Variants in EFR3A observed in about 807,000 individuals in gnomAD.
EFR3A encodes the protein protein EFR3 homolog A.
A neutral mutation model predicts 104.4 loss-of-function variants in EFR3A; 76 were observed. The ratio of observed to expected loss-of-function variants is 0.73; its 90% CI spans 0.60 to 0.88. The LOEUF is 0.88. EFR3A is among the 40% of genes least tolerant of loss of function. The probability of loss-of-function intolerance (pLI) is 0.00; values close to 1 mark genes in which losing one functional copy is unlikely to be tolerated. For synonymous variants in EFR3A, 330 were observed against 330.0 expected (o/e 1.00, Z 0.00); for missense variants, 985 against 1,012.5 (o/e 0.97, Z 0.37).
rs748324074 is a variant in EFR3A at position 131,918,307 on chromosome 8, A to G, written c.10+13985A>G. Reference sequence around the variant, plus strand: ...GTCTCAACAACAACAACAACAACAAAGAATAGGTTAAAATTTAAAGAAGTC... The same window carrying G: ...GTCTCAACAACAACAACAACAACAAGGAATAGGTTAAAATTTAAAGAAGTC... On this transcript the variant is annotated intron_variant, in intron 1 of 22. Transcript: ENST00000254624. 1.4e-4 allele frequency among the ~76,000 whole-genome samples: 22 copies of G among 152,164 alleles called. 1 individual carries two copies. Among genetic ancestry groups the G allele is most frequent in the Admixed American group, 1.4e-3 (21 of 15,280 alleles).
intron 18 of EFR3A, among the ~76,000 whole-genome samples, chr8:131,993,674 T>C (rs1390033681): frequency 6.6e-6 from 1 of 151,786 alleles, no homozygotes; most frequent in African/African-American, 2.4e-5. Context: ...GGTAGGAGGA[T>C]TGCTTGAAGC....
At chr8:131,994,083 G>A (rs1821353583) in intron 18 of EFR3A, among the ~76,000 whole-genome samples, 1 of 151,846 alleles carries the variant, frequency 6.6e-6, no homozygotes, top group South Asian at 2.1e-4. Context: ...GAACTTAAAA[G>A]TTAAAAAAAA....
At chr8:131,986,608 AC>A (rs1361435050) in intron 17 of EFR3A, among the ~76,000 whole-genome samples, 2 of 151,872 alleles carry the variant, frequency 1.3e-5, no homozygotes, top group African/African-American at 4.8e-5. Context: ...ACATGGTGAA[AC>A]CCCGTCTCTA....
chr8:131,969,689 T>G (rs1038119802), intron 9 of EFR3A, among the ~76,000 whole-genome samples: 2 of 152,168 alleles, frequency 1.3e-5, no homozygotes, highest in Non-Finnish European at 2.9e-5. Context: ...TTCTGTTTTA[T>G]CTTGTAACTT....
intron 11 of EFR3A, among the ~76,000 whole-genome samples, chr8:131,976,592 GTTAAT>G (rs1380940607): frequency 1.3e-5 from 2 of 151,940 alleles, no homozygotes; most frequent in African/African-American, 4.8e-5. Context: ...ATGTTGTTTT[GTTAAT>G]TTAATAAGGA....
chr8:131,992,837 G>A (rs1821263133), intron 18 of EFR3A, among the ~76,000 whole-genome samples: 3 of 152,104 alleles, frequency 2.0e-5, no homozygotes, highest in Admixed American at 2.0e-4. Flanking sequence ...TCTGATGAGA[G>A]AGCCTAGAAT....
intron 4 of EFR3A, among the ~76,000 whole-genome samples, chr8:131,947,751 C>T (rs923574583): frequency 2.6e-5 from 4 of 152,086 alleles, no homozygotes; most frequent in Non-Finnish European, 5.9e-5. Context: ...ACTTTATCCA[C>T]ATTTTGCATG....
intron 1 of EFR3A, among the ~76,000 whole-genome samples, chr8:131,905,431 T>G (rs1319128140): frequency 6.6e-6 from 1 of 152,182 alleles, no homozygotes; most frequent in Non-Finnish European, 1.5e-5. Flanking sequence ...GATATTAAAT[T>G]TAAATTGATA....
At chr8:131,972,578 C>G (rs1040584807) in intron 10 of EFR3A, among the ~76,000 whole-genome samples, 1 of 151,748 alleles carries the variant, frequency 6.6e-6, no homozygotes, top group Admixed American at 6.6e-5. Context: ...AATACAGATT[C>G]AAGCAAGCAA....
At position 131,986,198 on chromosome 8, in the gene EFR3A, T is replaced by C; in HGVS notation, c.1874T>C (p.Ile625Thr). Residue 625 changes from isoleucine to threonine, a missense_variant, in exon 17 of 23, where the codon ATT (isoleucine) becomes ACT (threonine). Physicochemically the swap from Ile to Thr is moderately conservative, Grantham distance 89 (BLOSUM62 -1). Transcript: ENST00000254624. ...PAFCQHVSKV[I>T]EIRTMEAPYF... ...CTGTTTTTGAATATTTTTTAGGTTA[T>C]TGAAATTCGAACTATGGAAGCCCCT... is the stretch of plus-strand genomic sequence containing the variant. 1 of 1,576,900 alleles carries C rather than the reference T, an allele frequency of 6.3e-7. No homozygotes were observed. Among genetic ancestry groups the C allele is most frequent in the South Asian group, 1.1e-5 (1 of 89,110 alleles).
chr8:131,972,450 T>G (rs1227994324), intron 10 of EFR3A, among the ~76,000 whole-genome samples: 2 of 151,774 alleles, frequency 1.3e-5, no homozygotes, highest in Non-Finnish European at 2.9e-5. Context: ...TTCTTTCTTT[T>G]TTAAATTTTC....
At chr8:131,931,952 T>C (rs750279229) in intron 1 of EFR3A, among the ~76,000 whole-genome samples, 1 of 152,024 alleles carries the variant, frequency 6.6e-6, no homozygotes, top group Non-Finnish European at 1.5e-5. Context: ...TTGCCTAGGA[T>C]GGTCAAAGTT....
chr8:131,971,771 A>AG (rs1018302713), intron 10 of EFR3A, among the ~76,000 whole-genome samples: 1 of 152,080 alleles, frequency 6.6e-6, no homozygotes, highest in Non-Finnish European at 1.5e-5. Context: ...GCACATCCAG[A>AG]GGTGCACACT....
intron 8 of EFR3A, among the ~76,000 whole-genome samples, chr8:131,963,461 G>C (rs570744594): frequency 1.1e-4 from 16 of 152,216 alleles, no homozygotes; most frequent in Non-Finnish European, 1.9e-4. Context: ...AAATAAACTA[G>C]AAAATCTAGA....
chr8:132,013,603 CATTTA>C lies in EFR3A; in HGVS notation c.*2712_*2716del, dbSNP rs1475175356. On this transcript the variant is annotated 3_prime_UTR_variant, in exon 23 of 23. Transcript: ENST00000254624. ...AAGTTCATTTTTATAGCTATTGTTA[CATTTA>C]ATTAAATTTATTCAATATTTGCTTA... The C allele has an allele frequency of 2.0e-5, 3 of 152,532 alleles. No homozygotes were observed. Among genetic ancestry groups the C allele is most frequent in the African/African-American group, 4.8e-5 (2 of 41,526 alleles). 9.4% of individuals were successfully genotyped at this position (152,532 alleles called of 1,614,324 possible). A position where few individuals can be genotyped will look rare whatever the true frequency, so the allele number is the denominator to read the frequency against.
At position 131,970,604 on chromosome 8, in the gene EFR3A, G is replaced by A; in HGVS notation, c.1120G>A (p.Asp374Asn). The A allele has an allele frequency of 2.5e-6, 4 of 1,613,840 alleles. No homozygotes were observed. Among genetic ancestry groups the A allele is most frequent in the Non-Finnish European group, 3.4e-6 (4 of 1,179,794 alleles). The change falls in exon 10 of 23, where the codon GAT becomes AAT. Residue 374 changes from aspartate to asparagine, a missense_variant. Asp to Asn is a conservative substitution (Grantham distance 23). Coordinates refer to ENST00000254624, the MANE Select transcript of EFR3A (RefSeq NM_015137.6). ...VNLNTSSKDN[D>N]EKIVQNAIIQ... ...CTTAAATACAAGTTCCAAAGACAAT[G>A]ATGAGAAGATTGTGCAGAATGCTAT...
intron 19 of EFR3A, among the ~76,000 whole-genome samples, chr8:131,999,749 A>C (rs1360974142): frequency 6.6e-6 from 1 of 152,130 alleles, no homozygotes; most frequent in Admixed American, 6.6e-5. Context: ...ATAAGATTGA[A>C]GCAAAATTAT....
chr8:131,957,320 A>G (rs1211882190), intron 7 of EFR3A, among the ~76,000 whole-genome samples: 1 of 149,790 alleles, frequency 6.7e-6, no homozygotes, highest in Non-Finnish European at 1.5e-5. Flanking sequence ...CAAATAATTC[A>G]TGTCTAATTT....
intron 1 of EFR3A, among the ~76,000 whole-genome samples, chr8:131,908,385 C>G (rs1174929528): frequency 6.6e-6 from 1 of 152,120 alleles, no homozygotes; most frequent in South Asian, 2.1e-4. Context: ...TATGCTCTCG[C>G]AATCAACAGT....
Sources: gnomAD v4.1 joint callset for allele counts (sites outside exome capture counted in the v4.1 genomes callset) on GRCh38, gnomAD v4.1.1 for gene constraint, MANE v1.5 for transcripts, NCBI Gene and HGNC (gene_info 2026-07-23, HGNC 2026-07-21) for gene names.